Variants in GNAT2 observed in about 807,000 individuals in gnomAD.
GNAT2 encodes the protein G protein subunit alpha transducin 2.
Under a neutral mutation model 40.9 loss-of-function variants are expected in GNAT2, and 32 were observed. The observed-to-expected ratio is 0.78, with a 90% CI of 0.59 to 1.05. The LOEUF is 1.05. Ranked by LOEUF, GNAT2 falls within the 50% of genes least tolerant of loss-of-function variation. GNAT2 has a pLI of 0.00. For missense variants in GNAT2, 355 were observed against 431.5 expected (o/e 0.82, Z 1.57); for synonymous variants, 141 against 157.2 (o/e 0.90, Z 0.77).
intron 1 of GNAT2, chr1:109,615,288 T>C (rs1649918363): frequency 6.6e-6 from 1 of 152,198 alleles, no homozygotes. Context: ...GTGGATGACC[T>C]GAGGTCAGGA....
intron 4 of GNAT2, chr1:109,609,097 C>T (rs1398595751): frequency 9.3e-6 from 4 of 429,438 alleles, no homozygotes; most frequent in Non-Finnish European, 1.7e-5. Flanking sequence ...AACGTGGGTC[C>T]TCTGCTGCAG....
intron 4 of GNAT2, chr1:109,609,571 G>T (rs925214355): frequency 4.2e-6 from 1 of 236,938 alleles, no homozygotes; most frequent in Non-Finnish European, 8.4e-6. Context: ...GGGTGAGATT[G>T]CAGTGAGCCA....
At chr1:109,604,796 C>A (rs549976329) in intron 7 of GNAT2, 1 of 154,210 alleles carries the variant, frequency 6.5e-6, no homozygotes, top group African/African-American at 2.4e-5. Context: ...AGCTGACTTG[C>A]GTTCAGTCTA....
chr1:109,605,132 G>A (rs1389155476), intron 7 of GNAT2: 1 of 152,328 alleles, frequency 6.6e-6, no homozygotes, highest in Middle Eastern at 3.2e-3. Context: ...GCAAGCTGTG[G>A]ACCTCCATTT....
chr1:109,610,306 T>C (rs2101128383), intron 3 of GNAT2, 125 bp from the exon 4 acceptor site: 1 of 1,272,360 alleles, frequency 7.9e-7, no homozygotes, highest in Non-Finnish European at 1.1e-6. Context: ...TTTCTCAAAG[T>C]GGAGGGTGAG....
Position 109,603,544 on chromosome 1 carries a change from C to T in GNAT2, c.875G>A (p.Gly292Asp), listed in dbSNP as rs200224608. The change falls in exon 9 of 9, where the codon GGT becomes GAT. Residue 292 changes from glycine (G) to aspartate (D), a missense_variant and splice_region_variant. By Grantham distance (94) the Gly-to-Asp change is moderately conservative. Coordinates refer to ENST00000679935, the MANE Select transcript of GNAT2 (RefSeq NM_001377295.2). ...CCCCGCATCATCATAGGAGTTGTTA[C>T]CTGGTTTTCCAGAAAAATAGTGAAA... Reference protein sequence around the residue: ...HLSICFPEYDGNNSYDDAGNY... With the variant: ...HLSICFPEYDDNNSYDDAGNY... 1 of 1,600,588 alleles carries T rather than the reference C, an allele frequency of 6.2e-7. No homozygotes were observed. The highest frequency in any genetic ancestry group is 1.7e-5 in the Admixed American group (1 of 60,010).
At chr1:109,618,849 G>A (rs1650036396) in intron 1 of GNAT2, among the ~76,000 whole-genome samples, 1 of 152,132 alleles carries the variant, frequency 6.6e-6, no homozygotes, top group Non-Finnish European at 1.5e-5. Flanking sequence ...TGGAGAAAAG[G>A]GTTCAGGGTC....
In GNAT2 at chr1:109,612,878, G is replaced by A. The variant is rs756496666; in HGVS notation, c.-8C>T. The A allele has an allele frequency of 6.0e-5, 94 of 1,563,254 alleles. No individual in the cohort carries two copies. The highest frequency in any genetic ancestry group is 2.2e-4 in the East Asian group (10 of 44,676). On this transcript the variant is annotated 5_prime_UTR_variant, in exon 2 of 9. In the 5' UTR this introduces an upstream ATG that the reference lacks. Coordinates refer to ENST00000679935, the MANE Select transcript of GNAT2 (RefSeq NM_001377295.2). The stretch of plus-strand genomic sequence containing the variant: ...ACTGGCTCCACTTCCCATATTTGCC[G>A]TCTTGTCAGCTTTTTCAGGCCCCTA...
chr1:109,610,311 G>A, intron 3 of GNAT2, 130 bp from the exon 4 acceptor site: 1 of 1,242,114 alleles, frequency 8.1e-7, no homozygotes, highest in East Asian at 2.3e-5. Flanking sequence ...CAAAGTGGAG[G>A]GTGAGGGACA....
chr1:109,610,394 T>G, intron 3 of GNAT2, 71 bp downstream of exon 3: 2 of 1,476,712 alleles, frequency 1.4e-6, no homozygotes, highest in Non-Finnish European at 1.9e-6. Context: ...AGCCTTTCAC[T>G]TTGAATACCT....
chr1:109,606,607 A>G (rs1011036804), intron 5 of GNAT2, 171 bp from the exon 6 acceptor site: 3 of 621,874 alleles, frequency 4.8e-6, no homozygotes, highest in African/African-American at 3.6e-5. Context: ...GTCATTAACT[A>G]GAGGAAATGG....
intron 4 of GNAT2, 189 bp from the exon 5 acceptor site, chr1:109,608,977 G>A (rs1649707137): frequency 1.5e-6 from 1 of 654,672 alleles, no homozygotes; most frequent in Non-Finnish European, 2.8e-6. Flanking sequence ...GATGCAGAGG[G>A]TGGCACTATA....
At chr1:109,612,466 G>C in intron 2 of GNAT2, 6 of 418,232 alleles carry the variant, frequency 1.4e-5, no homozygotes, top group South Asian at 1.1e-4. Flanking sequence ...TGTTAGGTTT[G>C]GTTAGATTTG....
chr1:109,608,818 C>G (rs200489857), intron 4 of GNAT2, 30 bp from the exon 5 acceptor site: 1 of 1,596,634 alleles, frequency 6.3e-7, no homozygotes. Flanking sequence ...TTAAGAACTT[C>G]ACAGGAGTAA....
rs149421007 is a variant in GNAT2 at position 109,608,665 on chromosome 1, C to T, written c.427G>A (p.Ala143Thr). ...DGGVQACFER[A>T]AEYQLNDSAS... The stretch of plus-strand genomic sequence containing the variant: ...GAGTCATTAAGCTGGTATTCTGCAG[C>T]TCTCTCGAAGCAGGCTTGCACCCCA... Residue 143 changes from alanine to threonine, a missense_variant, in exon 5 of 9, where the codon GCT becomes ACT. Ala to Thr is a moderately conservative substitution (Grantham distance 58). Transcript: ENST00000679935. The T allele has an allele frequency of 5.2e-4, 832 of 1,613,994 alleles. No individual in the cohort carries two copies. The highest frequency in any genetic ancestry group is 6.7e-4 in the Non-Finnish European group (793 of 1,179,968).
intron 7 of GNAT2, 141 bp downstream of exon 7, chr1:109,605,829 G>T (rs1649574017): frequency 3.9e-6 from 3 of 769,016 alleles, no homozygotes; most frequent in South Asian, 2.8e-5. Context: ...AGAATTATTT[G>T]CATGAGACAT....
chr1:109,605,373 TTGTCC>T (rs1649560444), intron 7 of GNAT2: 2 of 158,556 alleles, frequency 1.3e-5, no homozygotes, highest in African/African-American at 4.8e-5. Flanking sequence ...GCTCTAACAC[TTGTCC>T]TATAGAACTC....
chr1:109,610,050 G>T lies in GNAT2; in HGVS notation c.293C>A (p.Pro98Gln), dbSNP rs763912191. The change falls in exon 4 of 9, where the codon CCA becomes CAA. Residue 98 changes from proline (P) to glutamine (Q), a missense_variant. Pro to Gln is a moderately conservative substitution (Grantham distance 76). Coordinates refer to ENST00000679935, the MANE Select transcript of GNAT2 (RefSeq NM_001377295.2). ...MTTLGIDYAEPSCADDGRQLN... is the reference protein window; with the variant it reads ...MTTLGIDYAEQSCADDGRQLN... ...ATAGTAATCACATACCGCACAGCTT[G>T]GTTCAGCATAATCGATGCCCAGTGT... 6.2e-7 allele frequency: 1 copy of T among 1,613,878 alleles called. No individual in the cohort carries two copies.
intron 1 of GNAT2, chr1:109,616,398 G>C (rs1399530716): frequency 1.3e-5 from 2 of 152,180 alleles, no homozygotes; most frequent in African/African-American, 2.4e-5. Context: ...GTAAATCACT[G>C]TTTCTTAGTG....
Sources: allele counts gnomAD v4.1 joint callset (sites outside exome capture counted in the v4.1 genomes callset), GRCh38; gene constraint gnomAD v4.1.1; transcripts MANE v1.5; gene names NCBI Gene and HGNC (gene_info 2026-07-23, HGNC 2026-07-21).